Variants in DHPS observed in about 807,000 individuals in gnomAD.
The protein encoded by DHPS is deoxyhypusine synthase.
In DHPS, 24 loss-of-function variants were observed where a neutral mutation model predicts 38.7. The observed-to-expected ratio is 0.62, with a 90% CI of 0.45 to 0.87. DHPS has a LOEUF of 0.87. Ranked by LOEUF, DHPS falls within the 40% of genes least tolerant of loss-of-function variation. The probability of loss-of-function intolerance (pLI) is 0.00; values close to 1 mark genes in which losing one functional copy is unlikely to be tolerated. For missense variants in DHPS, 510 were observed against 497.6 expected, an observed-to-expected ratio of 1.02 and a Z score of -0.24; for synonymous variants, 250 against 204.4, an observed-to-expected ratio of 1.22 and a Z score of -1.90.
downstream of DHPS, chr19:12,672,738 C>A: frequency 1.7e-6 from 2 of 1,153,980 alleles, no homozygotes. Context: ...CTTCAGAATT[C>A]CACTCCTGTG....
chr19:12,676,514 T>A (rs934304883), intron 7 of DHPS: 27 of 233,764 alleles, frequency 1.2e-4, no homozygotes, highest in African/African-American at 6.1e-4. Flanking sequence ...GTTCACCACA[T>A]GGCCACCAGG....
intron 7 of DHPS, 180 bp downstream of exon 7, chr19:12,676,928 C>T (rs2024609285): frequency 1.6e-6 from 1 of 620,304 alleles, no homozygotes; most frequent in Non-Finnish European, 2.9e-6. Flanking sequence ...TTTAGTATTC[C>T]CCGTAGCAAT....
rs756164166 is a variant in DHPS at position 12,679,540 on chromosome 19, C to T, written c.595G>A (p.Val199Ile). The T allele has an allele frequency of 4.3e-6, 7 of 1,614,196 alleles. No individual in the cohort carries two copies. Among genetic ancestry groups the T allele is most frequent in the Non-Finnish European group, 3.4e-6 (4 of 1,180,026 alleles). The change falls in exon 5 of 9, where the codon GTA becomes ATA. Residue 199 changes from valine to isoleucine, a missense_variant. Val to Ile is a conservative substitution (Grantham distance 29). Transcript: ENST00000210060. ...QMVMEQNTEGVKWTPSKMIAR... is the reference protein window; with the variant it reads ...QMVMEQNTEGIKWTPSKMIAR... ...ATCATCTTAGAAGGCGTCCACTTTA[C>T]ACCCTAGGAGAGGATGTGACCTTCA...
In DHPS at chr19:12,676,079, C is replaced by G; in HGVS notation, c.952G>C (p.Gly318Arg). The G allele has an allele frequency of 6.2e-7, 1 of 1,614,048 alleles. No homozygotes were observed. The highest frequency in any genetic ancestry group is 8.5e-7 in the Non-Finnish European group (1 of 1,179,984). ...TAQEFDGSDS[G>R]ARPDEAVSWG... ...GAGACAGCCTCGTCTGGTCGGGCAC[C>G]TGAGTCAGAGCCATCAAACTCCTGG... The change falls in exon 8 of 9, where the codon GGT becomes CGT. Residue 318 changes from glycine to arginine, a missense_variant. Transcript: ENST00000210060.
downstream of DHPS, chr19:12,673,321 G>A (rs1298958562): frequency 1.2e-5 from 19 of 1,611,840 alleles, no homozygotes; most frequent in African/African-American, 8.0e-5. Flanking sequence ...GTGGAGGTGA[G>A]GTGCCCCCAG....
chr19:12,675,116 A>C (rs1475168940), downstream of DHPS, among the ~76,000 whole-genome samples: 1 of 150,494 alleles, frequency 6.6e-6, no homozygotes, highest in Non-Finnish European at 1.5e-5. Context: ...CCATCTCAAA[A>C]AAAAACAGAA....
At position 12,681,502 on chromosome 19, in the gene DHPS, G is replaced by C; in HGVS notation, c.207+58C>G. 3 of 1,588,498 alleles carry C rather than the reference G, an allele frequency of 1.9e-6. No homozygotes were observed. In the South Asian group the frequency reaches 3.3e-5, roughly 18 times the overall value. Reference sequence around the variant, plus strand: ...GGAAACGCTGCCCCCGTCTAGTACCGCGTTGGTTCTACAAGCCACGCCCCT... The same window carrying C: ...GGAAACGCTGCCCCCGTCTAGTACCCCGTTGGTTCTACAAGCCACGCCCCT... On this transcript the variant is annotated intron_variant, in intron 1 of 8. Transcript: ENST00000210060.
At chr19:12,673,172 A>C (rs754796140), downstream of DHPS, 3 of 1,613,214 alleles carry the variant, frequency 1.9e-6, no homozygotes, top group East Asian at 4.5e-5. Context: ...CCTGGAGAGG[A>C]CCAAGCCCCC....
rs1003077262 is a variant in DHPS, at chr19:12,676,150, G to A, written c.889-8C>T. 3 of 1,603,804 alleles carry A rather than the reference G, an allele frequency of 1.9e-6. No individual in the cohort carries two copies. Among genetic ancestry groups the A allele is most frequent in the Middle Eastern group, 1.7e-4 (1 of 6,012 alleles). On this transcript the variant is annotated splice_polypyrimidine_tract_variant and splice_region_variant and intron_variant, in intron 7 of 8. Transcript: ENST00000210060. ...GTAGTCGGCCCCGTTCCGCTGTGGG[G>A]AGGCGGGGGCACGGTGGGCCCAGTC...
At chr19:12,673,316 G>A (rs770112156), downstream of DHPS, 1 of 1,612,376 alleles carries the variant, frequency 6.2e-7, no homozygotes, top group Non-Finnish European at 8.5e-7. Context: ...ACCTGGTGGA[G>A]GTGAGGTGCC....
downstream of DHPS, among the ~76,000 whole-genome samples, chr19:12,673,548 G>C (rs1238464658): frequency 1.3e-5 from 2 of 150,502 alleles, no homozygotes; most frequent in African/African-American, 4.9e-5. Context: ...CTCCTGAGTA[G>C]TTGGGATTAT....
At chr19:12,677,834 G>T (rs796441022) in intron 5 of DHPS, among the ~76,000 whole-genome samples, 13 of 151,892 alleles carry the variant, frequency 8.6e-5, no homozygotes, top group African/African-American at 3.1e-4. Context: ...TAGAGACAGG[G>T]TTCCACCATG....
rs373000198 is a variant in DHPS, at chr19:12,677,227, C to T, written c.785-16G>A. 45 of 1,613,974 alleles carry T rather than the reference C, an allele frequency of 2.8e-5. No homozygotes were observed. Among genetic ancestry groups the T allele is most frequent in the South Asian group, 1.5e-4 (14 of 91,076 alleles). ...AGCCTCAGGTCTGGGGGAAGAGCGC[C>T]GAAGTCAGGCCTTGGACTCAGCCAG... On this transcript the variant is annotated splice_polypyrimidine_tract_variant and intron_variant, in intron 6 of 8. Transcript: ENST00000210060.
At chr19:12,676,837 C>G (rs1053262311) in intron 7 of DHPS, 2 of 491,686 alleles carry the variant, frequency 4.1e-6, no homozygotes, top group Non-Finnish European at 7.5e-6. Flanking sequence ...TCCCCAAACC[C>G]CTGCTCCCAG....
At position 12,680,181 on chromosome 19, in the gene DHPS, A is replaced by G. The variant is rs761383608; in HGVS notation, c.352T>C (p.Tyr118His). ...CCCACCATGTTGTGCTGCACAAGGT[A>G]GCGAATGGTCTCACGGATGCCTGAA... Reference protein sequence around the residue: ...ISSGIRETIRYLVQHNMVDVL... With the variant: ...ISSGIRETIRHLVQHNMVDVL... The change falls in exon 2 of 9, where the codon TAC (tyrosine) becomes CAC (histidine). Residue 118 changes from tyrosine (Y) to histidine (H), a missense_variant. Transcript: ENST00000210060. The G allele has an allele frequency of 6.2e-7, 1 of 1,614,198 alleles. No individual in the cohort carries two copies. The highest frequency in any genetic ancestry group is 1.7e-4 in the Middle Eastern group (1 of 6,060).
rs534999630 is a variant in DHPS, at chr19:12,676,479, A to G, written c.889-337T>C. 2.5e-4 allele frequency: 67 copies of G among 272,048 alleles called. No homozygotes were observed. The South Asian group carries it at 2.8e-3, about 11-fold the overall frequency. The allele number at this position is 272,048 out of a possible 1,614,324, so 16.9% of individuals were successfully genotyped here. A position where few individuals can be genotyped will look rare whatever the true frequency, so the allele number is the denominator to read the frequency against. Reference sequence around the variant, plus strand: ...CATGGTCACCACTGTCCTGGACTGGAGTTCTCACTCACCTGCCACCATCTG... The same window carrying G: ...CATGGTCACCACTGTCCTGGACTGGGGTTCTCACTCACCTGCCACCATCTG... On this transcript the variant is annotated intron_variant, in intron 7 of 8. Transcript: ENST00000210060.
At position 12,680,310 on chromosome 19, in the gene DHPS, C is replaced by T. The variant is rs1227045177; in HGVS notation, c.223G>A (p.Glu75Lys). 1 of 1,614,140 alleles carries T rather than the reference C, an allele frequency of 6.2e-7. No individual in the cohort carries two copies. Among genetic ancestry groups the T allele is most frequent in the Admixed American group, 1.7e-5 (1 of 60,004 alleles). ...TGGTCTTCATCCTGTGACAGTGGTT[C>T]CAGCTTCTTCTCGATCTGTGAGTAA... The part of the protein sequence containing the change: ...QVNAMIEKKL[E>K]PLSQDEDQHA... The change falls in exon 2 of 9, where the codon GAA becomes AAA. Residue 75 changes from glutamate to lysine, a missense_variant. Coordinates refer to ENST00000210060, the MANE Select transcript of DHPS (RefSeq NM_001930.4).
At chr19:12,673,341 A>G (rs767511280), downstream of DHPS, 7 of 1,579,428 alleles carry the variant, frequency 4.4e-6, no homozygotes, top group Admixed American at 1.2e-4. Flanking sequence ...GCCCTACTTC[A>G]TACCTAGATG....
downstream of DHPS, among the ~76,000 whole-genome samples, chr19:12,673,834 G>A (rs1663346565): frequency 1.3e-5 from 2 of 151,704 alleles, no homozygotes; most frequent in African/African-American, 4.9e-5. Context: ...TGAGTAGCTG[G>A]GATTACAGGC....
Sources: allele counts gnomAD v4.1 joint callset (sites outside exome capture counted in the v4.1 genomes callset), GRCh38; gene constraint gnomAD v4.1.1; transcripts MANE v1.5; gene names NCBI Gene and HGNC (gene_info 2026-07-23, HGNC 2026-07-21).